The following GPHN variants were observed in gnomAD, a reference collection of about 807,000 sequenced individuals.
GPHN encodes gephyrin.
In GPHN, 17 loss-of-function variants were observed where a neutral mutation model predicts 95.5. That is an observed-to-expected ratio of 0.18 (90% CI 0.12 to 0.27). GPHN has a LOEUF of 0.27. GPHN is among the 10% of genes least tolerant of loss of function. The pLI, the probability that GPHN is intolerant of heterozygous loss-of-function variation, is 1.00. For missense variants in GPHN, 660 were observed against 978.1 expected (o/e 0.67, Z 4.34); for synonymous variants, 320 against 322.5 (o/e 0.99, Z 0.08).
At chr14:67,200,230 C>T in the GPHN span, 3 of 1,006,414 alleles carry the variant, frequency 3.0e-6, no homozygotes, top group Non-Finnish European at 4.3e-6. Flanking sequence ...CCTCCACAAC[C>T]CACACCCTAT....
the GPHN span, among the ~76,000 whole-genome samples, chr14:67,632,808 ATTTTTTTTTTTTT>A: frequency 3.2e-5 from 2 of 62,358 alleles, no homozygotes; most frequent in Non-Finnish European, 5.6e-5. Context: ...AAGCCTCTTA[ATTTTTTTTTTTTT>A]TTTTTTTTTT....
At chr14:66,922,231 G>A (rs1160033611) in intron 6 of GPHN, among the ~76,000 whole-genome samples, 2 of 150,268 alleles carry the variant, frequency 1.3e-5, no homozygotes, top group African/African-American at 4.9e-5. Flanking sequence ...TTAAACTAAG[G>A]AGCTTTTGCA....
At chr14:67,660,151 TGAA>T in the GPHN span, 1 of 432,824 alleles carries the variant, frequency 2.3e-6, no homozygotes. Context: ...ACTGAATGAA[TGAA>T]TGGAAAAACA....
At chr14:66,703,542 C>G (rs772330083) in intron 2 of GPHN, among the ~76,000 whole-genome samples, 1 of 141,678 alleles carries the variant, frequency 7.1e-6, no homozygotes, top group Non-Finnish European at 1.5e-5. Flanking sequence ...TCTAGCCAAA[C>G]TAAACTTCAT....
In GPHN at chr14:66,606,641, C is replaced by T. The variant is rs112340276; in HGVS notation, c.65-74466C>T. Reference sequence around the variant, plus strand: ...ATATTTCCATTTATTTGTCTTGTCTCTCATTTATTTCAGCAGTGTTTTGTA... The same window carrying T: ...ATATTTCCATTTATTTGTCTTGTCTTTCATTTATTTCAGCAGTGTTTTGTA... On this transcript the variant is annotated intron_variant, in intron 1 of 22. Coordinates refer to ENST00000478722, the MANE Select transcript of GPHN (RefSeq NM_020806.5). Among the ~76,000 whole-genome samples the T allele has an allele frequency of 1.2e-3, 184 of 152,142 alleles. 1 individual carries two copies. The highest frequency in any genetic ancestry group is 4.4e-3 in the African/African-American group (182 of 41,524).
intron 4 of GPHN, among the ~76,000 whole-genome samples, chr14:66,852,291 G>A (rs1013509088): frequency 6.6e-6 from 1 of 152,150 alleles, no homozygotes; most frequent in Non-Finnish European, 1.5e-5. Context: ...AATTTTTAAA[G>A]TATGGCTTTC....
intron 4 of GPHN, among the ~76,000 whole-genome samples, chr14:66,873,550 G>T (rs376749566): frequency 6.6e-6 from 1 of 152,166 alleles, no homozygotes; most frequent in Non-Finnish European, 1.5e-5. Flanking sequence ...GTCTGAAGTC[G>T]ACCTGGGGCA....
At chr14:66,860,659 G>A (rs530669666) in intron 4 of GPHN, among the ~76,000 whole-genome samples, 3 of 151,804 alleles carry the variant, frequency 2.0e-5, no homozygotes, top group Admixed American at 1.3e-4. Context: ...AATAATAAAC[G>A]AATCAACGAT....
the GPHN span, among the ~76,000 whole-genome samples, chr14:67,546,571 G>T: frequency 6.6e-6 from 1 of 152,032 alleles, no homozygotes. Context: ...TGTATTTTTG[G>T]TAGAGATGGA....
chr14:67,636,761 G>A, the GPHN span, among the ~76,000 whole-genome samples: 7 of 152,186 alleles, frequency 4.6e-5, no homozygotes, highest in Admixed American at 3.3e-4. Context: ...AAGCAACAAG[G>A]CTGTGCCAGT....
At chr14:67,408,169 T>C in the GPHN span, among the ~76,000 whole-genome samples, 5 of 151,506 alleles carry the variant, frequency 3.3e-5, no homozygotes, top group Admixed American at 1.3e-4. Flanking sequence ...GCCTGTAATC[T>C]CAGCTACTCA....
At chr14:67,459,478 G>A in the GPHN span, among the ~76,000 whole-genome samples, 3 of 152,144 alleles carry the variant, frequency 2.0e-5, no homozygotes, top group African/African-American at 4.8e-5. Context: ...GAATGAAACC[G>A]ATGCCCTTCA....
the GPHN span, among the ~76,000 whole-genome samples, chr14:67,498,577 CTGCAA>C: frequency 5.9e-5 from 9 of 152,196 alleles, no homozygotes; most frequent in Admixed American, 5.9e-4. Flanking sequence ...GCAAGGGAAA[CTGCAA>C]TGCCAAGAAA....
the GPHN span, among the ~76,000 whole-genome samples, chr14:67,212,344 C>A: frequency 6.6e-6 from 1 of 151,932 alleles, no homozygotes; most frequent in Non-Finnish European, 1.5e-5. Flanking sequence ...CAGTGTCTCA[C>A]ACCTGTAATC....
In GPHN at chr14:66,932,059, A is replaced by G. The variant is rs77944993; in HGVS notation, c.828+7767A>G. ...ATCTAAGTCTGGTCACTGAGGCCAT[A>G]TGTGCATTAGGGGGCACCCCAACTC... is the stretch of plus-strand genomic sequence containing the variant. On this transcript the variant is annotated intron_variant, in intron 8 of 22. Transcript: ENST00000478722. 3.1e-3 allele frequency among the ~76,000 whole-genome samples: 471 copies of G among 152,320 alleles called. 11 individuals are homozygous for G. Among genetic ancestry groups the G allele is most frequent in the African/African-American group, 0.011 (446 of 41,572 alleles).
At chr14:67,688,868 C>T in the GPHN span, among the ~76,000 whole-genome samples, 1 of 152,248 alleles carries the variant, frequency 6.6e-6, no homozygotes, top group Admixed American at 6.5e-5. Flanking sequence ...AGAGACTATA[C>T]CTATCTTGTT....
chr14:67,536,045 C>G, the GPHN span, among the ~76,000 whole-genome samples: 1 of 152,198 alleles, frequency 6.6e-6, no homozygotes, highest in Admixed American at 6.5e-5. Context: ...CCTGTCAGTG[C>G]CAGAGCATGG....
intron 19 of GPHN, among the ~76,000 whole-genome samples, chr14:67,163,371 A>G (rs1325603389): frequency 4.6e-5 from 7 of 152,170 alleles, no homozygotes; most frequent in East Asian, 1.9e-4. Flanking sequence ...CATTCTAACA[A>G]TATAACTATT....
chr14:67,703,020 A>G, the GPHN span, among the ~76,000 whole-genome samples: 6 of 151,996 alleles, frequency 3.9e-5, no homozygotes, highest in East Asian at 5.8e-4. Context: ...GAGTCTCACT[A>G]TGTTGCCAGG....
Sources: allele counts gnomAD v4.1 joint callset (sites outside exome capture counted in the v4.1 genomes callset), GRCh38; gene constraint gnomAD v4.1.1; transcripts MANE v1.5; gene names NCBI Gene and HGNC (gene_info 2026-07-23, HGNC 2026-07-21).